SLAIN1: variants seen among roughly 807,000 people sequenced by gnomAD.
The protein encoded by SLAIN1 is SLAIN family member 1.
Under a neutral mutation model 55.4 loss-of-function variants are expected in SLAIN1, and 17 were observed. The observed-to-expected ratio is 0.31, with a 90% CI of 0.21 to 0.46. SLAIN1 has a LOEUF of 0.46. Ranked by LOEUF, SLAIN1 falls within the 20% of genes least tolerant of loss-of-function variation. SLAIN1 has a pLI of 1.00. For missense variants in SLAIN1, 682 were observed against 785.1 expected (o/e 0.87, Z 1.57); for synonymous variants, 348 against 337.4 (o/e 1.03, Z -0.35).
At chr13:77,707,439 C>A (rs1370941051) in intron 1 of SLAIN1, among the ~76,000 whole-genome samples, 1 of 152,066 alleles carries the variant, frequency 6.6e-6, no homozygotes, top group East Asian at 1.9e-4. Context: ...CTGTTCCCTG[C>A]ATTGTTTTTC....
intron 4 of SLAIN1, among the ~76,000 whole-genome samples, chr13:77,750,404 G>T (rs1874127056): frequency 6.6e-6 from 1 of 151,958 alleles, no homozygotes; most frequent in South Asian, 2.1e-4. Context: ...TATATGTATT[G>T]GAAATATGTA....
At chr13:77,707,153 C>T (rs1453679532) in intron 1 of SLAIN1, among the ~76,000 whole-genome samples, 1 of 151,658 alleles carries the variant, frequency 6.6e-6, no homozygotes, top group East Asian at 1.9e-4. Flanking sequence ...TTGTAACAGA[C>T]AGATGTAGGT....
At chr13:77,729,277 G>GT (rs202198395) in intron 2 of SLAIN1, among the ~76,000 whole-genome samples, 1,705 of 150,586 alleles carry the variant, frequency 0.011, 12 homozygotes, top group Middle Eastern at 0.024. Flanking sequence ...GTTTCCATGT[G>GT]TTTTTTTTTC....
In SLAIN1 at chr13:77,698,208, G is replaced by T; in HGVS notation, c.295G>T (p.Gly99Trp). 1 of 1,244,034 alleles carries T rather than the reference G, an allele frequency of 8.0e-7. No individual in the cohort carries two copies. Among genetic ancestry groups the T allele is most frequent in the Non-Finnish European group, 1.0e-6 (1 of 997,842 alleles). 77.1% of individuals were successfully genotyped at this position (1,244,034 alleles called of 1,614,324 possible). Residue 99 changes from glycine (G) to tryptophan (W), a missense_variant, in exon 1 of 7, where the codon GGG becomes TGG. By Grantham distance (184) the Gly-to-Trp change is radical (BLOSUM62 -2). This residue lies in a region of SLAIN1 where 401 missense variants were observed against 417.3 expected (regional missense o/e 0.96). Coordinates refer to ENST00000418532, the MANE Select transcript of SLAIN1 (RefSeq NM_001242868.2). This position sits in a 1 kb window ranked among gnomAD's most constrained non-coding sequence, Gnocchi z 4.1. ...TAAASGGLGL[G>W]LALGAGGGGG... ...CGCGGCCTCAGGGGGCCTGGGGCTCGGGCTGGCGCTGGGCGCGGGGGGCGG... is the reference window on the plus strand; with the variant it reads ...CGCGGCCTCAGGGGGCCTGGGGCTCTGGCTGGCGCTGGGCGCGGGGGGCGG...
intron 1 of SLAIN1, among the ~76,000 whole-genome samples, chr13:77,715,998 CAAG>C (rs1437828293): frequency 1.3e-5 from 2 of 152,058 alleles, no homozygotes; most frequent in Non-Finnish European, 2.9e-5. Flanking sequence ...TTTGCCAACT[CAAG>C]GACACACATA....
chr13:77,697,866 C>A lies in SLAIN1; in HGVS notation c.-48C>A. ...GCCTCCCCGTGGCCCGAGGAGCCGG[C>A]GCGGCGGCGCGCACTCCCCGGCGGC... On this transcript the variant is annotated 5_prime_UTR_variant, in exon 1 of 7. Coordinates refer to ENST00000418532, the MANE Select transcript of SLAIN1 (RefSeq NM_001242868.2). The A allele has an allele frequency of 7.8e-7, 1 of 1,278,288 alleles. No individual in the cohort carries two copies. The highest frequency in any genetic ancestry group is 9.9e-7 in the Non-Finnish European group (1 of 1,012,590). 79.2% of individuals were successfully genotyped at this position (1,278,288 alleles called of 1,614,324 possible).
At chr13:77,760,088 G>C (rs74570860) in intron 5 of SLAIN1, among the ~76,000 whole-genome samples, 6,800 of 152,166 alleles carry the variant, frequency 0.045, 210 homozygotes, top group Middle Eastern at 0.068. Flanking sequence ...GGCATCAAAG[G>C]CTTGGGTAGT....
intron 2 of SLAIN1, among the ~76,000 whole-genome samples, chr13:77,734,935 G>C (rs1484561818): frequency 6.6e-6 from 1 of 152,034 alleles, no homozygotes; most frequent in East Asian, 1.9e-4. Context: ...CAGGAGAATT[G>C]CTTGAACCTG....
At chr13:77,708,020 T>C (rs572089624) in intron 1 of SLAIN1, among the ~76,000 whole-genome samples, 117 of 152,248 alleles carry the variant, frequency 7.7e-4, no homozygotes, top group African/African-American at 2.6e-3. Flanking sequence ...ATCCCTACCT[T>C]CTATGAAATG....
intron 2 of SLAIN1, among the ~76,000 whole-genome samples, chr13:77,725,159 T>A (rs1029875917): frequency 6.6e-6 from 1 of 152,214 alleles, no homozygotes; most frequent in African/African-American, 2.4e-5. Flanking sequence ...AACATTTTCC[T>A]TATTAGCCAC....
Position 77,732,893 on chromosome 13 carries a change from CT to C in SLAIN1, c.767-11389del, listed in dbSNP as rs1872946242. 2.0e-5 allele frequency among the ~76,000 whole-genome samples: 3 copies of C among 152,056 alleles called. No individual in the cohort carries two copies. The South Asian group carries it at 6.2e-4, about 31-fold the overall frequency. On this transcript the variant is annotated intron_variant, in intron 2 of 6. Coordinates refer to ENST00000418532, the MANE Select transcript of SLAIN1 (RefSeq NM_001242868.2). ...TTTATGTTTCAGCTCTACTTTGAGA[CT>C]GTTGTCCTGGTTAAAGAAGTCCCGC...
intron 2 of SLAIN1, chr13:77,743,234 A>G (rs1873575452): frequency 1.7e-6 from 2 of 1,165,004 alleles, no homozygotes; most frequent in African/African-American, 1.6e-5. Context: ...TTAAATATTC[A>G]TCTTTCATTT....
At chr13:77,700,184 C>A (rs1219100696) in intron 1 of SLAIN1, among the ~76,000 whole-genome samples, 1 of 152,086 alleles carries the variant, frequency 6.6e-6, no homozygotes, top group Non-Finnish European at 1.5e-5. Flanking sequence ...TAGTTAGCAT[C>A]CTATTACTAG....
intron 2 of SLAIN1, among the ~76,000 whole-genome samples, chr13:77,740,186 C>T (rs955071052): frequency 3.3e-5 from 5 of 151,980 alleles, no homozygotes; most frequent in Non-Finnish European, 7.4e-5. Context: ...AAAGCCCCTG[C>T]GGTACTTTAA....
At chr13:77,751,467 C>T (rs1207660576) in intron 4 of SLAIN1, among the ~76,000 whole-genome samples, 1 of 152,202 alleles carries the variant, frequency 6.6e-6, no homozygotes, top group Non-Finnish European at 1.5e-5. Context: ...AGACTCTGGA[C>T]TGTATCTGCC....
intron 2 of SLAIN1, among the ~76,000 whole-genome samples, chr13:77,728,245 A>T (rs1218652799): frequency 1.3e-5 from 2 of 152,332 alleles, no homozygotes; most frequent in East Asian, 3.9e-4. Flanking sequence ...TTGATATCCT[A>T]AATTGAAATA....
intron 1 of SLAIN1, among the ~76,000 whole-genome samples, chr13:77,711,835 T>G (rs1228736069): frequency 6.6e-6 from 1 of 152,202 alleles, no homozygotes; most frequent in Non-Finnish European, 1.5e-5. Flanking sequence ...AGTAAAATAC[T>G]GGCAAATCGA....
At chr13:77,728,002 C>T (rs185622177) in intron 2 of SLAIN1, among the ~76,000 whole-genome samples, 6 of 152,218 alleles carry the variant, frequency 3.9e-5, no homozygotes, top group Non-Finnish European at 8.8e-5. Context: ...TTTTCTCTAC[C>T]TACAAATACA....
At chr13:77,700,686 AG>A (rs1008515551) in intron 1 of SLAIN1, among the ~76,000 whole-genome samples, 4 of 152,154 alleles carry the variant, frequency 2.6e-5, no homozygotes, top group African/African-American at 9.7e-5. Flanking sequence ...ATAGTGTCCC[AG>A]TAGTGTGGTC....
Sources: allele counts gnomAD v4.1 joint callset (sites outside exome capture counted in the v4.1 genomes callset), GRCh38; gene constraint gnomAD v4.1.1; regional missense constraint gnomAD v4.1.1; non-coding constraint Gnocchi (gnomAD v3.1); transcripts MANE v1.5; gene names NCBI Gene and HGNC (gene_info 2026-07-23, HGNC 2026-07-21).